Variants in HUNK observed in about 807,000 individuals in gnomAD.
The protein encoded by HUNK is hormonally up-regulated neu tumor-associated kinase.
HUNK carries 21 observed loss-of-function variants against 61.0 expected under a neutral mutation model. The observed-to-expected ratio is 0.34, with a 90% CI of 0.24 to 0.50. The LOEUF (loss-of-function observed/expected upper bound fraction) is 0.50, where lower values mean the gene tolerates loss of function less well. Ranked by LOEUF, HUNK falls within the 20% of genes least tolerant of loss-of-function variation. The pLI is 0.98. For synonymous variants in HUNK, 371 were observed against 386.1 expected (o/e 0.96, Z 0.46); for missense variants, 772 against 945.7 (o/e 0.82, Z 2.41).
At position 31,898,958 on chromosome 21, in the gene HUNK, G is replaced by A. The variant is rs1291458834; in HGVS notation, c.261+25023G>A. Among the ~76,000 whole-genome samples the A allele has an allele frequency of 2.0e-5, 3 of 151,992 alleles. No homozygotes were observed. In the East Asian group the frequency reaches 5.8e-4, roughly 29 times the overall value. ...AGCTTATTCTCTTTTATGGTTTAAC[G>A]TTACAAACACTTGTAATGTATGTTA... On this transcript the variant is annotated intron_variant, in intron 1 of 10. Coordinates refer to ENST00000270112, the MANE Select transcript of HUNK (RefSeq NM_014586.2).
intron 1 of HUNK, among the ~76,000 whole-genome samples, chr21:31,904,405 T>C (rs1163443274): frequency 6.6e-6 from 1 of 152,182 alleles, no homozygotes; most frequent in Non-Finnish European, 1.5e-5. Context: ...AATAAAAAGA[T>C]GGTGACCTCT....
intron 2 of HUNK, among the ~76,000 whole-genome samples, chr21:31,933,550 C>T (rs560955430): frequency 2.0e-5 from 3 of 151,876 alleles, no homozygotes; most frequent in Non-Finnish European, 2.9e-5. Flanking sequence ...TTTGGGAGGC[C>T]GAGGTAGGTG....
chr21:31,993,227 C>T (rs1324093802), intron 9 of HUNK, among the ~76,000 whole-genome samples: 2 of 152,260 alleles, frequency 1.3e-5, no homozygotes, highest in South Asian at 2.1e-4. Context: ...CAAACCCCCA[C>T]GCATTACACA....
chr21:31,935,986 G>T (rs1437937981), intron 2 of HUNK, among the ~76,000 whole-genome samples: 1 of 151,972 alleles, frequency 6.6e-6, no homozygotes, highest in Admixed American at 6.6e-5. Context: ...TAGTAGAGAC[G>T]GGGTTTCACC....
In HUNK at chr21:32,003,531, G is replaced by A. The variant is rs2053259599; in HGVS notation, c.*4347G>A. ...GGTTAGTGTATTTATTTTCTTTGTGGGGTCTTCTGTGAGCTACAGGCACAG... is the reference window on the plus strand; with the variant it reads ...GGTTAGTGTATTTATTTTCTTTGTGAGGTCTTCTGTGAGCTACAGGCACAG... On this transcript the variant is annotated 3_prime_UTR_variant, in exon 11 of 11. Transcript: ENST00000270112. 3 of 152,162 alleles carry A rather than the reference G, an allele frequency of 2.0e-5. No homozygotes were observed. The highest frequency in any genetic ancestry group is 2.0e-4 in the Admixed American group (3 of 15,276). The allele number at this position is 152,162 out of a possible 1,614,324, so 9.4% of individuals were successfully genotyped here.
chr21:31,906,706 A>T (rs2052508004), intron 1 of HUNK, among the ~76,000 whole-genome samples: 1 of 151,824 alleles, frequency 6.6e-6, no homozygotes, highest in African/African-American at 2.4e-5. Flanking sequence ...CTGGGATTAC[A>T]GGTGTAAGCC....
intron 1 of HUNK, among the ~76,000 whole-genome samples, chr21:31,915,679 A>C (rs1246562508): frequency 6.6e-6 from 1 of 152,204 alleles, no homozygotes; most frequent in Admixed American, 6.5e-5. Flanking sequence ...AAGGCAGTGA[A>C]GGGTGATACA....
At chr21:31,986,834 C>T (rs1013902090) in intron 8 of HUNK, among the ~76,000 whole-genome samples, 1 of 152,244 alleles carries the variant, frequency 6.6e-6, no homozygotes, top group Middle Eastern at 3.4e-3. Context: ...CCTGCTGTTC[C>T]CTGACCTCTG....
intron 5 of HUNK, among the ~76,000 whole-genome samples, chr21:31,965,987 T>C (rs2052963538): frequency 6.6e-6 from 1 of 152,182 alleles, no homozygotes; most frequent in Admixed American, 6.5e-5. Flanking sequence ...TGGCGATTTC[T>C]GAGATTTGGG....
intron 1 of HUNK, among the ~76,000 whole-genome samples, chr21:31,890,191 A>C (rs941554777): frequency 2.6e-5 from 4 of 151,578 alleles, no homozygotes; most frequent in Admixed American, 6.6e-5. Context: ...ACTTGTTACT[A>C]TACTAATCAC....
rs138169726 is a variant in HUNK at position 31,969,535 on chromosome 21, C to T, written c.1010+1150C>T. ...CAGCCCACGCTTCTCCATGCTGGTG[C>T]GCTAACTACAGATTAAAAAACATTT... On this transcript the variant is annotated intron_variant, in intron 6 of 10. Transcript: ENST00000270112. 6.0e-4 allele frequency among the ~76,000 whole-genome samples: 91 copies of T among 152,002 alleles called. 1 individual carries two copies. The East Asian group carries it at 0.014, about 23-fold the overall frequency.
At chr21:31,927,375 T>TG (rs145340607) in intron 2 of HUNK, among the ~76,000 whole-genome samples, 152,104 of 152,104 alleles carry the variant, frequency 1, 76,052 homozygotes, top group Non-Finnish European at 1. Flanking sequence ...CCGGGCGCAG[T>TG]GCTCACGCCT....
chr21:31,950,746 G>C (rs1311572831), intron 4 of HUNK, among the ~76,000 whole-genome samples: 4 of 152,242 alleles, frequency 2.6e-5, no homozygotes, highest in East Asian at 1.9e-4. Context: ...AATGTAGAAG[G>C]CTGTTTAAAA....
chr21:31,990,269 T>C, intron 9 of HUNK, 93 bp downstream of exon 9: 1 of 1,231,142 alleles, frequency 8.1e-7, no homozygotes, highest in Non-Finnish European at 1.2e-6. Context: ...AGACTGAGAT[T>C]TATTTTAAGG....
At chr21:31,965,269 G>A (rs989843954) in intron 5 of HUNK, among the ~76,000 whole-genome samples, 28 of 151,810 alleles carry the variant, frequency 1.8e-4, no homozygotes, top group African/African-American at 6.8e-4. Flanking sequence ...GACACAAAGA[G>A]GGGAACAATA....
At chr21:31,892,587 AG>A (rs1448746630) in intron 1 of HUNK, among the ~76,000 whole-genome samples, 367 of 139,664 alleles carry the variant, frequency 2.6e-3, no homozygotes, top group Middle Eastern at 0.019. Context: ...AAAAAAAAAA[AG>A]GAAAGAAAGA....
Position 31,873,551 on chromosome 21 carries a change from G to A in HUNK, c.-124G>A, listed in dbSNP as rs2052231191. On this transcript the variant is annotated 5_prime_UTR_variant, in exon 1 of 11. Coordinates refer to ENST00000270112, the MANE Select transcript of HUNK (RefSeq NM_014586.2). This position sits in a 1 kb window ranked among gnomAD's most constrained non-coding sequence, Gnocchi z 6.1. ...CGCGGCGGCCCCGGGCTCTGGGTGC[G>A]GAGACCCAGGCGGGGCTGGGCCCAG... is the stretch of plus-strand genomic sequence containing the variant. 5.3e-6 allele frequency: 4 copies of A among 760,990 alleles called. No individual in the cohort carries two copies. The highest frequency in any genetic ancestry group is 6.4e-6 in the Non-Finnish European group (4 of 625,038). 47.1% of individuals were successfully genotyped at this position (760,990 alleles called of 1,614,324 possible). A position where few individuals can be genotyped will look rare whatever the true frequency, so the allele number is the denominator to read the frequency against.
intron 2 of HUNK, among the ~76,000 whole-genome samples, chr21:31,931,902 C>A (rs932855605): frequency 6.6e-6 from 1 of 152,156 alleles, no homozygotes; most frequent in Non-Finnish European, 1.5e-5. Context: ...ACCCTGGATG[C>A]ATGTGATGCA....
chr21:31,902,740 A>G (rs568643581), intron 1 of HUNK, among the ~76,000 whole-genome samples: 1 of 152,320 alleles, frequency 6.6e-6, no homozygotes, highest in South Asian at 2.1e-4. Flanking sequence ...GCTTATTGAC[A>G]GCTAAACTAG....
Sources: allele counts gnomAD v4.1 joint callset (sites outside exome capture counted in the v4.1 genomes callset), GRCh38; gene constraint gnomAD v4.1.1; non-coding constraint Gnocchi (gnomAD v3.1); transcripts MANE v1.5; gene names NCBI Gene and HGNC (gene_info 2026-07-23, HGNC 2026-07-21).